The following LDLRAD4 variants were observed in gnomAD, a reference collection of about 807,000 sequenced individuals.
LDLRAD4 encodes the protein low density lipoprotein receptor class A domain containing 4, also known as low-density lipoprotein receptor class A domain-containing protein 4.
In LDLRAD4, 5 loss-of-function variants were observed where a neutral mutation model predicts 17.0. That is an observed-to-expected ratio of 0.29 (90% CI 0.15 to 0.62). The LOEUF (loss-of-function observed/expected upper bound fraction) is 0.62, where lower values mean the gene tolerates loss of function less well. Among genes scored for constraint, LDLRAD4 ranks in the 20% least tolerant of loss-of-function variants. LDLRAD4 has a pLI of 0.84. For synonymous variants in LDLRAD4, 168 were observed against 171.8 expected (o/e 0.98, Z 0.17); for missense variants, 340 against 424.7 (o/e 0.80, Z 1.75).
rs576218919 is a variant in LDLRAD4 at position 13,287,119 on chromosome 18, T to G, written c.-383+8931T>G. Among the ~76,000 whole-genome samples, 9 of 152,180 alleles carry G rather than the reference T, an allele frequency of 5.9e-5. No individual in the cohort carries two copies. In the South Asian group the frequency reaches 1.9e-3, roughly 32 times the overall value. On this transcript the variant is annotated intron_variant, in intron 1 of 5. Coordinates refer to ENST00000359446, the Ensembl canonical transcript of LDLRAD4. ...GGGAGAAGTCACCACACACAGAGAC[T>G]TGGTGTCACCCGCAACAGCACAATC...
chr18:13,555,273 A>T (rs1407372192), intron 3 of LDLRAD4, among the ~76,000 whole-genome samples: 1 of 152,230 alleles, frequency 6.6e-6, no homozygotes, highest in East Asian at 1.9e-4. Context: ...CTTTTTAAAA[A>T]GATAATCAGC....
At chr18:13,330,906 C>T (rs2081826250) in intron 1 of LDLRAD4, among the ~76,000 whole-genome samples, 2 of 152,258 alleles carry the variant, frequency 1.3e-5, no homozygotes, top group Middle Eastern at 6.8e-3. Context: ...CATAAAAACC[C>T]AAAGGACTGG....
intron 1 of LDLRAD4, among the ~76,000 whole-genome samples, chr18:13,346,744 T>A (rs2082714762): frequency 6.6e-6 from 1 of 152,246 alleles, no homozygotes; most frequent in Admixed American, 6.5e-5. Flanking sequence ...GGACTTGCTT[T>A]ATGAATCTGG....
chr18:13,381,997 G>A (rs925419720), intron 1 of LDLRAD4, among the ~76,000 whole-genome samples: 6 of 152,202 alleles, frequency 3.9e-5, no homozygotes, highest in Non-Finnish European at 8.8e-5. Flanking sequence ...CCAGGGATCG[G>A]CATCCACAGG....
chr18:13,266,543 A>T (rs1310584296), intron 1 of LDLRAD4, among the ~76,000 whole-genome samples: 2 of 152,202 alleles, frequency 1.3e-5, no homozygotes, highest in Non-Finnish European at 2.9e-5. Context: ...TGCCTTCTCC[A>T]GATTTGGGCT....
chr18:13,574,314 T>C (rs2094736441), intron 3 of LDLRAD4, among the ~76,000 whole-genome samples: 1 of 152,176 alleles, frequency 6.6e-6, no homozygotes, highest in Admixed American at 6.5e-5. Flanking sequence ...AAGCCGGCCA[T>C]GGCAGCACTC....
At chr18:13,589,324 GC>G (rs1299192512) in intron 3 of LDLRAD4, among the ~76,000 whole-genome samples, 6 of 152,196 alleles carry the variant, frequency 3.9e-5, no homozygotes, top group African/African-American at 1.4e-4. Context: ...ACTGCAAGCT[GC>G]CTTTTCTGTG....
Position 13,622,947 on chromosome 18 carries a change from C to T in LDLRAD4, c.336+1676C>T, listed in dbSNP as rs1404732481. ...GGGAGTTTTCTGTCCCCTGCCTGGG[C>T]GCTCCCCAGTCTTCCTCCCAGACTT... On this transcript the variant is annotated intron_variant, in intron 4 of 5. Transcript: ENST00000359446. The surrounding 1 kb of genome is among the most constrained non-coding windows in gnomAD (Gnocchi z 5.3). Among the ~76,000 whole-genome samples the T allele has an allele frequency of 2.0e-5, 3 of 152,288 alleles. No individual in the cohort carries two copies. Among genetic ancestry groups the T allele is most frequent in the African/African-American group, 7.2e-5 (3 of 41,552 alleles).
chr18:13,227,182 G>A (rs2041855355), intron 1 of LDLRAD4, among the ~76,000 whole-genome samples: 1 of 152,190 alleles, frequency 6.6e-6, no homozygotes, highest in Admixed American at 6.5e-5. Context: ...CAAGGCATCA[G>A]CCCTTCCAGA....
At chr18:13,358,563 T>G (rs2083475499) in intron 1 of LDLRAD4, among the ~76,000 whole-genome samples, 1 of 152,126 alleles carries the variant, frequency 6.6e-6, no homozygotes, top group Admixed American at 6.5e-5. Context: ...TAAATAAAAT[T>G]TATCCTATTT....
At position 13,457,685 on chromosome 18, in the gene LDLRAD4, T is replaced by C. The variant is rs530405120; in HGVS notation, c.181+19301T>C. Among the ~76,000 whole-genome samples, 97 of 152,212 alleles carry C rather than the reference T, an allele frequency of 6.4e-4. 3 individuals are homozygous for C. In the Middle Eastern group the frequency reaches 0.014, roughly 21 times the overall value. Reference sequence around the variant, plus strand: ...GGTGCCGTGGAGGAAAGCCTGTAGATAGATCCACATCACGGCACCACCACT... The same window carrying C: ...GGTGCCGTGGAGGAAAGCCTGTAGACAGATCCACATCACGGCACCACCACT... On this transcript the variant is annotated intron_variant, in intron 3 of 5. Transcript: ENST00000359446.
intron 1 of LDLRAD4, among the ~76,000 whole-genome samples, chr18:13,356,896 G>A (rs2083377428): frequency 6.6e-6 from 1 of 152,194 alleles, no homozygotes. Flanking sequence ...CACTTTGGAA[G>A]GCCGAGGTGG....
chr18:13,606,746 A>G (rs2095228196), intron 3 of LDLRAD4, among the ~76,000 whole-genome samples: 1 of 152,246 alleles, frequency 6.6e-6, no homozygotes. Flanking sequence ...CTTAAAATGT[A>G]CTGTTTCTAA....
chr18:13,435,724 G>C (rs1031536689), intron 2 of LDLRAD4, among the ~76,000 whole-genome samples: 2 of 152,190 alleles, frequency 1.3e-5, no homozygotes, highest in Non-Finnish European at 2.9e-5. Context: ...GGAGAGTGTA[G>C]GTATGAGTCA....
chr18:13,450,336 C>G lies in LDLRAD4; in HGVS notation c.181+11952C>G, dbSNP rs73956413. On this transcript the variant is annotated intron_variant, in intron 3 of 5. Coordinates refer to ENST00000359446, the Ensembl canonical transcript of LDLRAD4. Reference sequence around the variant, plus strand: ...AGCTTCTCTCCCCCCACCCCCCCCCCCAAAAAAACACACAAGATCCCAAGA... The same window carrying G: ...AGCTTCTCTCCCCCCACCCCCCCCCGCAAAAAAACACACAAGATCCCAAGA... Among the ~76,000 whole-genome samples the G allele has an allele frequency of 1.2e-3, 140 of 119,770 alleles. 2 individuals are homozygous for G. Among genetic ancestry groups the G allele is most frequent in the Non-Finnish European group, 2.0e-3 (111 of 55,206 alleles). The allele number at this position is 119,770 out of a possible 152,430, so 78.6% of individuals were successfully genotyped here.
intron 3 of LDLRAD4, among the ~76,000 whole-genome samples, chr18:13,452,676 A>G (rs1047330994): frequency 5.9e-5 from 9 of 152,210 alleles, no homozygotes; most frequent in Admixed American, 5.9e-4. Flanking sequence ...CATCTTGGTC[A>G]TGCTCTGCAG....
chr18:13,263,012 G>A (rs1598975447), intron 1 of LDLRAD4, among the ~76,000 whole-genome samples: 2 of 134,278 alleles, frequency 1.5e-5, no homozygotes, highest in Non-Finnish European at 1.6e-5. Context: ...GTGCGTGGGG[G>A]CTGAGTCCCG....
chr18:13,571,789 A>T (rs1027850901), intron 3 of LDLRAD4, among the ~76,000 whole-genome samples: 1 of 152,128 alleles, frequency 6.6e-6, no homozygotes, highest in Non-Finnish European at 1.5e-5. Context: ...GGCGCCCGCC[A>T]CTATGCCTGG....
chr18:13,271,206 C>T (rs765833114), intron 1 of LDLRAD4, among the ~76,000 whole-genome samples: 26 of 152,208 alleles, frequency 1.7e-4, no homozygotes, highest in Non-Finnish European at 2.6e-4. Flanking sequence ...TAGAACTGTC[C>T]TATTATACCA....
Sources: allele counts gnomAD v4.1 joint callset (sites outside exome capture counted in the v4.1 genomes callset), GRCh38; gene constraint gnomAD v4.1.1; non-coding constraint Gnocchi (gnomAD v3.1); transcripts MANE v1.5; gene names NCBI Gene and HGNC (gene_info 2026-07-23, HGNC 2026-07-21).